The following STXBP4 variants were observed in gnomAD, a reference collection of about 807,000 sequenced individuals.
STXBP4 encodes the protein syntaxin-binding protein 4.
STXBP4 carries 55 observed loss-of-function variants against 76.1 expected under a neutral mutation model. That is an observed-to-expected ratio of 0.72 (90% CI 0.58 to 0.91). STXBP4 has a LOEUF of 0.91. STXBP4 is among the 40% of genes least tolerant of loss of function. The probability of loss-of-function intolerance (pLI) is 0.00; values close to 1 mark genes in which losing one functional copy is unlikely to be tolerated. For missense variants in STXBP4, 618 were observed against 636.9 expected (o/e 0.97, Z 0.32); for synonymous variants, 201 against 220.2 (o/e 0.91, Z 0.77).
chr17:55,203,770 C>A, the STXBP4 span, among the ~76,000 whole-genome samples: 6 of 152,150 alleles, frequency 3.9e-5, no homozygotes, highest in Non-Finnish European at 8.8e-5. Context: ...GTCATTATTT[C>A]ATTATCTTCT....
intron 1 of STXBP4, among the ~76,000 whole-genome samples, chr17:54,983,451 T>C (rs775379185): frequency 3.3e-5 from 5 of 151,368 alleles, no homozygotes; most frequent in Non-Finnish European, 7.4e-5. Context: ...TTACTCACTT[T>C]GGTACCAGTA....
At chr17:55,004,556 C>T (rs1276226479) in intron 7 of STXBP4, among the ~76,000 whole-genome samples, 1 of 151,976 alleles carries the variant, frequency 6.6e-6, no homozygotes, top group African/African-American at 2.4e-5. Context: ...AAAAAATTAG[C>T]TGGGCATGGT....
chr17:55,211,807 T>TG, the STXBP4 span, among the ~76,000 whole-genome samples: 3 of 115,662 alleles, frequency 2.6e-5, no homozygotes, highest in South Asian at 2.9e-4. Context: ...TTGTTTTTTT[T>TG]TTTTTTTTTT....
At chr17:55,092,538 A>G (rs191820789) in intron 16 of STXBP4, among the ~76,000 whole-genome samples, 65 of 152,286 alleles carry the variant, frequency 4.3e-4, no homozygotes, top group Admixed American at 1.6e-3. Context: ...TAACTATGTT[A>G]TTTTTACTCA....
chr17:55,185,189 TTTCTTCTTCTTCTTCTTCTTC>T, the STXBP4 span, among the ~76,000 whole-genome samples: 585 of 87,696 alleles, frequency 6.7e-3, 24 homozygotes, highest in Admixed American at 7.9e-3. Flanking sequence ...TCTTCTTCTT[TTTCTTCTTCTTCTTCTTCTTC>T]TTCTTCTTCT....
intron 12 of STXBP4, among the ~76,000 whole-genome samples, chr17:55,060,608 A>T (rs958286233): frequency 2.0e-5 from 3 of 152,258 alleles, no homozygotes; most frequent in Admixed American, 2.0e-4. Context: ...TGTTTTATTC[A>T]ATCAAGGATA....
chr17:55,079,896 C>T (rs1354658709), intron 15 of STXBP4, among the ~76,000 whole-genome samples: 1 of 152,148 alleles, frequency 6.6e-6, no homozygotes, highest in African/African-American at 2.4e-5. Context: ...CACTTCTAAA[C>T]TCAAGTAATG....
intron 11 of STXBP4, chr17:55,043,854 G>A: frequency 1.8e-6 from 1 of 556,798 alleles, no homozygotes; most frequent in Non-Finnish European, 3.1e-6. Flanking sequence ...TCTTGTTTTT[G>A]TTTTGTGTTT....
chr17:54,977,824 A>G (rs915285774), intron 1 of STXBP4, among the ~76,000 whole-genome samples: 1 of 152,234 alleles, frequency 6.6e-6, no homozygotes, highest in African/African-American at 2.4e-5. Context: ...AGTATAATAC[A>G]TCCAACTTTA....
intron 8 of STXBP4, among the ~76,000 whole-genome samples, chr17:55,017,832 C>T (rs1339535477): frequency 6.6e-6 from 1 of 152,178 alleles, no homozygotes; most frequent in Non-Finnish European, 1.5e-5. Context: ...TCCCAGACAG[C>T]CTCACACCTG....
At chr17:54,977,332 T>C (rs967099564) in intron 1 of STXBP4, among the ~76,000 whole-genome samples, 2 of 152,194 alleles carry the variant, frequency 1.3e-5, no homozygotes, top group East Asian at 3.8e-4. Flanking sequence ...AAAATGAACA[T>C]TAGGCCTACA....
intron 8 of STXBP4, 85 bp downstream of exon 8, chr17:55,007,682 G>A: frequency 1.0e-6 from 1 of 1,004,720 alleles, no homozygotes; most frequent in Non-Finnish European, 1.5e-6. Context: ...TAAAGTACTG[G>A]AGTCATTAGT....
chr17:55,182,947 C>T, the STXBP4 span, among the ~76,000 whole-genome samples: 6 of 151,682 alleles, frequency 4.0e-5, no homozygotes, highest in Admixed American at 2.6e-4. Flanking sequence ...TTTTAAGAAA[C>T]AAGTTACTCC....
the STXBP4 span, among the ~76,000 whole-genome samples, chr17:55,209,095 T>A: frequency 1.1e-4 from 16 of 152,156 alleles, no homozygotes; most frequent in East Asian, 5.8e-4. Flanking sequence ...AAATTTTTTT[T>A]AAAAATTTAA....
rs1408078233 is a variant in STXBP4, at chr17:55,167,957, A to C, written c.*8046A>C. The stretch of plus-strand genomic sequence containing the variant: ...AGGTAAGGTCAGAAATTTCTGTGGA[A>C]TGGAATATGAAAAGATGTTTATGAG... On this transcript the variant is annotated 3_prime_UTR_variant, in exon 18 of 18. Transcript: ENST00000376352. 1 of 152,218 alleles carries C rather than the reference A, an allele frequency of 6.6e-6. No individual in the cohort carries two copies. The highest frequency in any genetic ancestry group is 2.4e-5 in the African/African-American group (1 of 41,466). The allele number at this position is 152,218 out of a possible 1,614,324, so 9.4% of individuals were successfully genotyped here. A position where few individuals can be genotyped will look rare whatever the true frequency, so the allele number is the denominator to read the frequency against.
intron 8 of STXBP4, among the ~76,000 whole-genome samples, chr17:55,011,508 C>CTTTTTTCT (rs1555566816): frequency 8.1e-5 from 7 of 85,926 alleles, no homozygotes; most frequent in African/African-American, 1.6e-4. Flanking sequence ...TTTTCTTTTT[C>CTTTTTTCT]TTTTTTTTTT....
At chr17:55,187,948 C>G in the STXBP4 span, among the ~76,000 whole-genome samples, 1 of 152,114 alleles carries the variant, frequency 6.6e-6, no homozygotes, top group African/African-American at 2.4e-5. Flanking sequence ...GATGCTATGC[C>G]GAACTCTACA....
intron 12 of STXBP4, among the ~76,000 whole-genome samples, chr17:55,058,693 A>G (rs1361731329): frequency 6.6e-6 from 1 of 152,098 alleles, no homozygotes; most frequent in Non-Finnish European, 1.5e-5. Context: ...CTTATAGTCG[A>G]TGGGCATTTG....
chr17:54,992,494 T>C, intron 4 of STXBP4, among the ~76,000 whole-genome samples: 1 of 151,854 alleles, frequency 6.6e-6, no homozygotes, highest in East Asian at 1.9e-4. Context: ...TAAATAAATA[T>C]TTAAAAGCTA....
Sources: gnomAD v4.1 joint callset for allele counts (sites outside exome capture counted in the v4.1 genomes callset) on GRCh38, gnomAD v4.1.1 for gene constraint, MANE v1.5 for transcripts, NCBI Gene and HGNC (gene_info 2026-07-23, HGNC 2026-07-21) for gene names.